ITFG1: variants seen among roughly 807,000 people sequenced by gnomAD.
ITFG1 encodes the protein T-cell immunomodulatory protein.
A neutral mutation model predicts 81.8 loss-of-function variants in ITFG1; 34 were observed. The observed-to-expected ratio is 0.42, with a 90% CI of 0.32 to 0.55. ITFG1 has a LOEUF of 0.55. ITFG1 is among the 20% of genes least tolerant of loss of function. The pLI, the probability that ITFG1 is intolerant of heterozygous loss-of-function variation, is 0.17. For synonymous variants in ITFG1, 285 were observed against 270.6 expected, an observed-to-expected ratio of 1.05 and a Z score of -0.52; for missense variants, 672 against 755.4, an observed-to-expected ratio of 0.89 and a Z score of 1.29.
chr16:47,206,132 C>A (rs1435901050), intron 14 of ITFG1, among the ~76,000 whole-genome samples: 2 of 152,162 alleles, frequency 1.3e-5, no homozygotes, highest in South Asian at 2.1e-4. Context: ...TCCCAAAGTG[C>A]TGGGAACACA....
chr16:47,353,071 AG>A (rs1394120381), intron 8 of ITFG1, among the ~76,000 whole-genome samples: 3 of 140,544 alleles, frequency 2.1e-5, no homozygotes, highest in Non-Finnish European at 4.7e-5. Flanking sequence ...GGGTAGGGTG[AG>A]GGGGGAGGGA....
At chr16:47,439,489 G>A (rs895862421) in intron 5 of ITFG1, among the ~76,000 whole-genome samples, 11 of 152,134 alleles carry the variant, frequency 7.2e-5, no homozygotes, top group African/African-American at 2.4e-4. Flanking sequence ...CTGATCTCTC[G>A]GCAGAAACTC....
intron 13 of ITFG1, among the ~76,000 whole-genome samples, chr16:47,236,005 G>A (rs1965869388): frequency 6.6e-6 from 1 of 152,154 alleles, no homozygotes; most frequent in South Asian, 2.1e-4. Flanking sequence ...ATGGGAGGCA[G>A]ATACATTATC....
At chr16:47,183,011 C>T (rs182891832) in intron 14 of ITFG1, among the ~76,000 whole-genome samples, 14 of 152,288 alleles carry the variant, frequency 9.2e-5, no homozygotes, top group Non-Finnish European at 1.2e-4. Context: ...GGGTGACAGA[C>T]GGCACCTGGA....
chr16:47,323,826 A>C (rs1162085265), intron 8 of ITFG1, among the ~76,000 whole-genome samples: 1 of 152,168 alleles, frequency 6.6e-6, no homozygotes, highest in Non-Finnish European at 1.5e-5. Flanking sequence ...AATGTTTCCT[A>C]AACATTCTAC....
chr16:47,180,350 T>C (rs1239036540), intron 14 of ITFG1, among the ~76,000 whole-genome samples: 2 of 151,580 alleles, frequency 1.3e-5, no homozygotes, highest in African/African-American at 2.4e-5. Context: ...TATGGTATTA[T>C]TGCCCTCTCC....
chr16:47,433,150 C>T (rs1969115146), intron 5 of ITFG1, among the ~76,000 whole-genome samples: 1 of 152,060 alleles, frequency 6.6e-6, no homozygotes, highest in Admixed American at 6.6e-5. Flanking sequence ...GACATTTTTT[C>T]CTAGGAGCTA....
intron 14 of ITFG1, among the ~76,000 whole-genome samples, chr16:47,169,281 T>C (rs1399623913): frequency 6.6e-6 from 1 of 152,154 alleles, no homozygotes; most frequent in Non-Finnish European, 1.5e-5. Flanking sequence ...AATCTGTAGA[T>C]TGTTTTGGGG....
At chr16:47,250,773 A>G (rs1204686810) in intron 12 of ITFG1, among the ~76,000 whole-genome samples, 1 of 152,210 alleles carries the variant, frequency 6.6e-6, no homozygotes, top group East Asian at 1.9e-4. Context: ...ATTGAGAAAG[A>G]GCTAATTAGT....
At chr16:47,161,052 CT>C (rs1178156767) in intron 16 of ITFG1, among the ~76,000 whole-genome samples, 1 of 152,000 alleles carries the variant, frequency 6.6e-6, no homozygotes, top group Non-Finnish European at 1.5e-5. Context: ...ATATTTTTCC[CT>C]ATGAAATTTA....
intron 8 of ITFG1, among the ~76,000 whole-genome samples, chr16:47,363,153 C>G (rs1031501754): frequency 7.9e-5 from 12 of 152,100 alleles, no homozygotes; most frequent in Non-Finnish European, 1.5e-5. Flanking sequence ...CCCGCCTCAG[C>G]CTCCCAAAGT....
At chr16:47,203,254 T>C (rs1567422354) in intron 14 of ITFG1, among the ~76,000 whole-genome samples, 2 of 152,082 alleles carry the variant, frequency 1.3e-5, no homozygotes, top group Admixed American at 1.3e-4. Flanking sequence ...AAAAGACAAA[T>C]ACCGTGTGAT....
intron 8 of ITFG1, among the ~76,000 whole-genome samples, chr16:47,318,271 C>T (rs1290082325): frequency 6.6e-6 from 1 of 152,152 alleles, no homozygotes; most frequent in African/African-American, 2.4e-5. Context: ...TTTCTGGCAT[C>T]CTAAATTTCT....
intron 6 of ITFG1, among the ~76,000 whole-genome samples, chr16:47,392,298 T>C (rs2151596228): frequency 6.6e-6 from 1 of 151,788 alleles, no homozygotes; most frequent in East Asian, 1.9e-4. Flanking sequence ...ACAAAACAAA[T>C]AGATGTGAAG....
At chr16:47,413,455 G>C (rs1279585702) in intron 6 of ITFG1, among the ~76,000 whole-genome samples, 2 of 152,198 alleles carry the variant, frequency 1.3e-5, no homozygotes, top group African/African-American at 4.8e-5. Flanking sequence ...AGCACTTTGG[G>C]AGGCCAAGGT....
chr16:47,328,385 T>C (rs187453524), intron 8 of ITFG1, among the ~76,000 whole-genome samples: 1 of 152,072 alleles, frequency 6.6e-6, no homozygotes, highest in Non-Finnish European at 1.5e-5. Flanking sequence ...GACGAATTAA[T>C]GGGTGCAGCA....
intron 5 of ITFG1, among the ~76,000 whole-genome samples, chr16:47,438,608 AC>A (rs1969202261): frequency 1.3e-5 from 2 of 152,168 alleles, no homozygotes; most frequent in South Asian, 4.1e-4. Context: ...ATTCCAACAG[AC>A]CTGCAGATGA....
intron 7 of ITFG1, among the ~76,000 whole-genome samples, chr16:47,372,594 C>T (rs1038237532): frequency 3.3e-5 from 5 of 152,030 alleles, no homozygotes; most frequent in African/African-American, 7.2e-5. Context: ...GCTGGGACTA[C>T]AGGCATGTGC....
intron 6 of ITFG1, among the ~76,000 whole-genome samples, chr16:47,411,373 C>A (rs762818294): frequency 1.3e-5 from 2 of 152,090 alleles, no homozygotes; most frequent in Non-Finnish European, 2.9e-5. Context: ...ACAAAACTAG[C>A]TGGTTGGGGC....
Sources: allele counts gnomAD v4.1 joint callset (sites outside exome capture counted in the v4.1 genomes callset), GRCh38; gene constraint gnomAD v4.1.1; transcripts MANE v1.5; gene names NCBI Gene and HGNC (gene_info 2026-07-23, HGNC 2026-07-21).